Variants in CHST3 observed in about 807,000 individuals in gnomAD.
CHST3 encodes carbohydrate sulfotransferase 3, also known as C6ST-1.
In CHST3, 20 loss-of-function variants were observed where a neutral mutation model predicts 35.4. The ratio of observed to expected loss-of-function variants is 0.57; its 90% confidence interval spans 0.40 to 0.82. The LOEUF (loss-of-function observed/expected upper bound fraction) is 0.82, where lower values mean the gene tolerates loss of function less well. Ranked by LOEUF, CHST3 falls within the 40% of genes least tolerant of loss-of-function variation. The pLI, the probability that CHST3 is intolerant of heterozygous loss-of-function variation, is 0.00. For missense variants in CHST3, 693 were observed against 670.1 expected, an observed-to-expected ratio of 1.03 and a Z score of -0.38; for synonymous variants, 334 against 295.9, an observed-to-expected ratio of 1.13 and a Z score of -1.32.
chr10:71,964,992 A>G (rs1839615147), intron 1 of CHST3, among the ~76,000 whole-genome samples: 1 of 152,176 alleles, frequency 6.6e-6, no homozygotes, highest in Admixed American at 6.5e-5. Flanking sequence ...ACACACCGAA[A>G]TGCACATTCC....
intron 1 of CHST3, among the ~76,000 whole-genome samples, chr10:72,005,108 T>A (rs545790690): frequency 6.6e-6 from 1 of 152,246 alleles, no homozygotes; most frequent in South Asian, 2.1e-4. Context: ...CTGGGCAACA[T>A]AGTGAGACCC....
Position 72,013,278 on chromosome 10 carries a change from A to G in CHST3, c.*4807A>G, listed in dbSNP as rs563904964. 8 of 152,276 alleles carry G rather than the reference A, an allele frequency of 5.3e-5. No homozygotes were observed. Among genetic ancestry groups the G allele is most frequent in the African/African-American group, 1.9e-4 (8 of 41,462 alleles). The allele number at this position is 152,276 out of a possible 1,614,324, so 9.4% of individuals were successfully genotyped here. On this transcript the variant is annotated 3_prime_UTR_variant, in exon 3 of 3. Transcript: ENST00000373115. ...CACGGCATACACTGCCATGGTATGTACATATGCATCCACGTGTGTGTATGT... is the reference window on the plus strand; with the variant it reads ...CACGGCATACACTGCCATGGTATGTGCATATGCATCCACGTGTGTGTATGT...
At chr10:72,001,221 G>A (rs1276936269) in intron 1 of CHST3, among the ~76,000 whole-genome samples, 1 of 152,200 alleles carries the variant, frequency 6.6e-6, no homozygotes, top group African/African-American at 2.4e-5. Context: ...ACTCAGCACT[G>A]TGCCTCTTTT....
chr10:71,978,615 G>A (rs1019892537), intron 1 of CHST3, among the ~76,000 whole-genome samples: 19 of 152,166 alleles, frequency 1.2e-4, no homozygotes, highest in African/African-American at 4.1e-4. Context: ...CGCACACATC[G>A]ATCATTTAGT....
At chr10:71,981,402 C>A (rs1175088829) in intron 1 of CHST3, among the ~76,000 whole-genome samples, 1 of 152,216 alleles carries the variant, frequency 6.6e-6, no homozygotes, top group African/African-American at 2.4e-5. Flanking sequence ...AGAAGCCAGC[C>A]CTCAGCTGGG....
intron 1 of CHST3, among the ~76,000 whole-genome samples, chr10:71,998,620 C>T (rs959110530): frequency 5.9e-5 from 9 of 152,190 alleles, no homozygotes; most frequent in African/African-American, 2.2e-4. Flanking sequence ...CCAGGCCTGT[C>T]CTGGCTAGGG....
intron 1 of CHST3, among the ~76,000 whole-genome samples, chr10:71,973,215 A>C (rs972145000): frequency 4.6e-5 from 7 of 152,172 alleles, no homozygotes; most frequent in Admixed American, 1.3e-4. Context: ...ACCCCGGCAC[A>C]TGGCCTCTTG....
At chr10:71,973,541 T>C (rs924006320) in intron 1 of CHST3, among the ~76,000 whole-genome samples, 2 of 152,168 alleles carry the variant, frequency 1.3e-5, no homozygotes, top group African/African-American at 4.8e-5. Flanking sequence ...TGGCCCCACC[T>C]CCAGCCCTCA....
chr10:71,985,468 A>G (rs1414426237), intron 1 of CHST3, among the ~76,000 whole-genome samples: 1 of 152,156 alleles, frequency 6.6e-6, no homozygotes, highest in Non-Finnish European at 1.5e-5. Flanking sequence ...CTACACATGA[A>G]TAGATCCCAG....
chr10:71,984,352 C>T (rs554977930), intron 1 of CHST3, among the ~76,000 whole-genome samples: 5 of 152,330 alleles, frequency 3.3e-5, no homozygotes, highest in East Asian at 1.9e-4. Context: ...GTGCTCGGGC[C>T]GCCCCACGCT....
intron 1 of CHST3, among the ~76,000 whole-genome samples, chr10:71,998,010 G>A (rs6480591): frequency 0.63 from 95,885 of 151,966 alleles, 31,179 homozygotes; most frequent in African/African-American, 0.8. Context: ...GTAGTGGCAC[G>A]TGCCTGTGCT....
rs776855980 is a variant in CHST3 at position 72,007,902 on chromosome 10, C to G, written c.871C>G (p.Arg291Gly). Reference sequence around the variant, plus strand: ...CCTGCAGCCGCTGGCCGAGGACCCCCGCCTGGACCTGCGCGTCATCCAGCT... The same window carrying G: ...CCTGCAGCCGCTGGCCGAGGACCCCGGCCTGGACCTGCGCGTCATCCAGCT... The part of the protein sequence containing the change: ...EFLQPLAEDP[R>G]LDLRVIQLVR... Residue 291 changes from arginine to glycine, a missense_variant, in exon 3 of 3, where the codon CGC (arginine) becomes GGC (glycine). Arg to Gly is a moderately radical substitution (Grantham distance 125). Transcript: ENST00000373115. 5 of 1,574,664 alleles carry G rather than the reference C, an allele frequency of 3.2e-6. 1 individual carries two copies. In the East Asian group the frequency reaches 9.4e-5, roughly 30 times the overall value.
At chr10:71,997,866 C>T (rs1839955753) in intron 1 of CHST3, among the ~76,000 whole-genome samples, 1 of 152,028 alleles carries the variant, frequency 6.6e-6, no homozygotes, top group Non-Finnish European at 1.5e-5. Context: ...CGGGGTTTCA[C>T]CATGTTGGCC....
At position 72,009,301 on chromosome 10, in the gene CHST3, GAC is replaced by G. The variant is rs1372740023; in HGVS notation, c.*834_*835del. 1 of 152,258 alleles carries G rather than the reference GAC, an allele frequency of 6.6e-6. No homozygotes were observed. Among genetic ancestry groups the G allele is most frequent in the Admixed American group, 6.5e-5 (1 of 15,274 alleles). The allele number at this position is 152,258 out of a possible 1,614,324, so 9.4% of individuals were successfully genotyped here. A position where few individuals can be genotyped will look rare whatever the true frequency, so the allele number is the denominator to read the frequency against. ...GAAACGCGTTAAAGGGCCATGACATGACACAGTTCCCTGGCCGGGTTTGGACT... is the reference window on the plus strand; with the variant it reads ...GAAACGCGTTAAAGGGCCATGACATGACAGTTCCCTGGCCGGGTTTGGACT... On this transcript the variant is annotated 3_prime_UTR_variant, in exon 3 of 3. Coordinates refer to ENST00000373115, the MANE Select transcript of CHST3 (RefSeq NM_004273.5).
intron 1 of CHST3, among the ~76,000 whole-genome samples, chr10:71,965,047 A>AC (rs1395189344): frequency 6.6e-6 from 1 of 151,742 alleles, no homozygotes; most frequent in African/African-American, 2.4e-5. Flanking sequence ...ACGTCCTCAC[A>AC]CCCCTCCGTC....
At chr10:71,968,388 C>A (rs1221071869) in intron 1 of CHST3, among the ~76,000 whole-genome samples, 1 of 152,122 alleles carries the variant, frequency 6.6e-6, no homozygotes, top group Non-Finnish European at 1.5e-5. Context: ...GGATATTAGA[C>A]TTTTGTCGGA....
chr10:71,966,225 C>T (rs1435465765), intron 1 of CHST3, among the ~76,000 whole-genome samples: 20 of 152,058 alleles, frequency 1.3e-4, no homozygotes. Flanking sequence ...CTTCCTGGCT[C>T]CTGATGGCCT....
chr10:71,995,163 G>A (rs12413786), intron 1 of CHST3, among the ~76,000 whole-genome samples: 53,118 of 151,922 alleles, frequency 0.35, 10,985 homozygotes, highest in Non-Finnish European at 0.47. Context: ...GGTGACTCAC[G>A]CCTGTAATCC....
intron 1 of CHST3, among the ~76,000 whole-genome samples, chr10:71,992,965 T>C (rs1246749614): frequency 6.6e-6 from 1 of 152,136 alleles, no homozygotes; most frequent in African/African-American, 2.4e-5. Flanking sequence ...CCCAGACAAT[T>C]TATAGAATAT....
Sources: allele counts gnomAD v4.1 joint callset (sites outside exome capture counted in the v4.1 genomes callset), GRCh38; gene constraint gnomAD v4.1.1; transcripts MANE v1.5; gene names NCBI Gene and HGNC (gene_info 2026-07-23, HGNC 2026-07-21).